PTPRD: variants seen among roughly 807,000 people sequenced by gnomAD.
PTPRD encodes receptor-type tyrosine-protein phosphatase delta.
In PTPRD, 34 loss-of-function variants were observed where a neutral mutation model predicts 214.5. The observed-to-expected ratio is 0.16, with a 90% CI of 0.12 to 0.21. PTPRD has a LOEUF of 0.21. Among genes scored for constraint, PTPRD ranks in the 10% least tolerant of loss-of-function variants. The pLI is 1.00. For missense variants in PTPRD, 2,545 were observed against 2,398.7 expected (o/e 1.06, Z -1.27); for synonymous variants, 1,128 against 845.7 (o/e 1.33, Z -5.79).
chr9:10,503,598 T>G (rs530394508), intron 2 of PTPRD, among the ~76,000 whole-genome samples: 1 of 152,246 alleles, frequency 6.6e-6, no homozygotes, highest in South Asian at 2.1e-4. Context: ...TTTGAGAGAC[T>G]ACTTTGGCAG....
intron 11 of PTPRD, among the ~76,000 whole-genome samples, chr9:8,803,660 C>A (rs930608437): frequency 2.6e-5 from 4 of 151,714 alleles, no homozygotes; most frequent in Non-Finnish European, 4.4e-5. Context: ...AGAGGTGAAG[C>A]CTACAGAAAG....
intron 35 of PTPRD, among the ~76,000 whole-genome samples, chr9:8,421,357 C>CTCTTT (rs2094348666): frequency 7.0e-6 from 1 of 141,954 alleles, no homozygotes; most frequent in African/African-American, 2.7e-5. Flanking sequence ...TTCTTCTTCT[C>CTCTTT]TCTTCTCTTC....
rs549935837 is a variant in PTPRD, at chr9:9,026,667, G to A, written c.-142-7932C>T. ...TTTTTTGTTTCTATTTCTTTTTAAA[G>A]GTATTTGCCAGTTTTCTGCATCGAC... is the stretch of plus-strand genomic sequence containing the variant. On this transcript the variant is annotated intron_variant, in intron 10 of 45. Coordinates refer to ENST00000381196, the MANE Select transcript of PTPRD (RefSeq NM_002839.4). 3.9e-5 allele frequency among the ~76,000 whole-genome samples: 6 copies of A among 151,902 alleles called. No homozygotes were observed. In the South Asian group the frequency reaches 6.2e-4, roughly 16 times the overall value.
intron 8 of PTPRD, among the ~76,000 whole-genome samples, chr9:9,398,136 T>G (rs2068629479): frequency 7.0e-6 from 1 of 142,972 alleles, no homozygotes; most frequent in South Asian, 2.5e-4. Flanking sequence ...CCTTCCTTCC[T>G]TCCATACTTC....
chr9:10,455,512 C>T lies in PTPRD; in HGVS notation c.-599-114495G>A, dbSNP rs115495042. ...TCTCCACTCTGATGCCCCAGCCACA[C>T]CTCAAACTCAACATTTTTTAAACCT... On this transcript the variant is annotated intron_variant, in intron 2 of 45. Coordinates refer to ENST00000381196, the MANE Select transcript of PTPRD (RefSeq NM_002839.4). 3.1e-3 allele frequency among the ~76,000 whole-genome samples: 471 copies of T among 151,778 alleles called. 2 individuals carry two copies. Among genetic ancestry groups the T allele is most frequent in the African/African-American group, 0.011 (449 of 41,528 alleles).
At chr9:8,596,360 C>T (rs2094476087) in intron 14 of PTPRD, among the ~76,000 whole-genome samples, 1 of 151,826 alleles carries the variant, frequency 6.6e-6, no homozygotes, top group African/African-American at 2.4e-5. Flanking sequence ...ACAATAATTA[C>T]TTTTAAAGCA....
chr9:10,247,754 C>A (rs145920566), intron 3 of PTPRD, among the ~76,000 whole-genome samples: 2 of 152,004 alleles, frequency 1.3e-5, no homozygotes, highest in African/African-American at 4.8e-5. Flanking sequence ...AAAGAAGTGG[C>A]AAGGGAGATA....
intron 5 of PTPRD, among the ~76,000 whole-genome samples, chr9:9,864,167 G>A (rs1313502464): frequency 6.6e-6 from 1 of 152,134 alleles, no homozygotes; most frequent in African/African-American, 2.4e-5. Flanking sequence ...TTAGCTGGGT[G>A]TGGTGGCGGG....
intron 3 of PTPRD, among the ~76,000 whole-genome samples, chr9:10,261,101 A>AGG (rs1460050346): frequency 6.7e-6 from 1 of 148,524 alleles, no homozygotes; most frequent in African/African-American, 2.5e-5. Flanking sequence ...ATATATAGAG[A>AGG]GAGAGTCACT....
chr9:9,545,722 T>A (rs1038119141), intron 8 of PTPRD, among the ~76,000 whole-genome samples: 1 of 151,784 alleles, frequency 6.6e-6, no homozygotes, highest in Non-Finnish European at 1.5e-5. Context: ...AGGTGTATTG[T>A]ATATCTTGAA....
intron 4 of PTPRD, among the ~76,000 whole-genome samples, chr9:9,970,236 G>C (rs1232179560): frequency 6.6e-6 from 1 of 151,866 alleles, no homozygotes; most frequent in Non-Finnish European, 1.5e-5. Flanking sequence ...GGATCACGAG[G>C]TCAGGAGATC....
chr9:8,693,306 G>C (rs1470087039), intron 12 of PTPRD, among the ~76,000 whole-genome samples: 1 of 152,126 alleles, frequency 6.6e-6, no homozygotes, highest in Admixed American at 6.6e-5. Context: ...GGACTTGAAA[G>C]AAACTCCCAC....
chr9:10,117,758 G>C (rs186137896), intron 3 of PTPRD, among the ~76,000 whole-genome samples: 1 of 151,452 alleles, frequency 6.6e-6, no homozygotes, highest in African/African-American at 2.4e-5. Context: ...ATGTTTTTTG[G>C]TGAAACAATT....
Position 9,241,755 on chromosome 9 carries a change from G to A in PTPRD, c.-202-58392C>T, listed in dbSNP as rs536472501. Among the ~76,000 whole-genome samples the A allele has an allele frequency of 8.2e-4, 125 of 151,584 alleles. 1 individual carries two copies. Among genetic ancestry groups the A allele is most frequent in the Admixed American group, 1.7e-3 (26 of 15,154 alleles). The stretch of plus-strand genomic sequence containing the variant: ...ATGTGTGTCTCTCCATACGAGATGG[G>A]TTTCCTGAATACAGCACACTGATGG... On this transcript the variant is annotated intron_variant, in intron 9 of 45. Coordinates refer to ENST00000381196, the MANE Select transcript of PTPRD (RefSeq NM_002839.4).
At chr9:9,770,790 G>A (rs1175834258) in intron 5 of PTPRD, among the ~76,000 whole-genome samples, 3 of 152,134 alleles carry the variant, frequency 2.0e-5, no homozygotes, top group African/African-American at 7.2e-5. Flanking sequence ...ATTAATTACA[G>A]ATGGATTTCT....
intron 34 of PTPRD, 149 bp downstream of exon 34, chr9:8,449,576 G>C (rs991699942): frequency 3.0e-6 from 2 of 664,748 alleles, no homozygotes; most frequent in African/African-American, 1.8e-5. Context: ...TCAGACTTTT[G>C]CTTGGGCAAG....
intron 14 of PTPRD, among the ~76,000 whole-genome samples, chr9:8,608,242 A>G (rs1306825785): frequency 6.6e-6 from 1 of 152,208 alleles, no homozygotes; most frequent in African/African-American, 2.4e-5. Flanking sequence ...TTCAAGTTCC[A>G]AAGTAAAATT....
chr9:8,580,038 T>C (rs1335454725), intron 14 of PTPRD, among the ~76,000 whole-genome samples: 1 of 152,198 alleles, frequency 6.6e-6, no homozygotes, highest in Non-Finnish European at 1.5e-5. Context: ...TTCCAGTCAT[T>C]CCACAAATTA....
intron 10 of PTPRD, among the ~76,000 whole-genome samples, chr9:9,136,354 CTT>C (rs1400123268): frequency 6.6e-6 from 1 of 151,972 alleles, no homozygotes; most frequent in Non-Finnish European, 1.5e-5. Flanking sequence ...ACATTTTTCT[CTT>C]TATTATTTAC....
Sources: gnomAD v4.1 joint callset for allele counts (sites outside exome capture counted in the v4.1 genomes callset) on GRCh38, gnomAD v4.1.1 for gene constraint, MANE v1.5 for transcripts, NCBI Gene and HGNC (gene_info 2026-07-23, HGNC 2026-07-21) for gene names.